Variants in KLHL1 observed in about 807,000 individuals in gnomAD.
The protein encoded by KLHL1 is kelch-like protein 1.
KLHL1 carries 47 observed loss-of-function variants against 77.7 expected under a neutral mutation model. The observed-to-expected ratio is 0.60, with a 90% CI of 0.48 to 0.77. The LOEUF (loss-of-function observed/expected upper bound fraction) is 0.77. Ranked by LOEUF, KLHL1 falls within the 30% of genes least tolerant of loss-of-function variation. The pLI, the probability that KLHL1 is intolerant of heterozygous loss-of-function variation, is 0.00. For synonymous variants in KLHL1, 360 were observed against 325.2 expected (o/e 1.11, Z -1.15); for missense variants, 925 against 910.8 (o/e 1.02, Z -0.20).
chr13:69,746,735 G>A (rs1337486775), intron 7 of KLHL1, among the ~76,000 whole-genome samples: 1 of 151,822 alleles, frequency 6.6e-6, no homozygotes, highest in African/African-American at 2.4e-5. Flanking sequence ...TTGTCAAACA[G>A]GTAGTCAGAT....
intron 5 of KLHL1, among the ~76,000 whole-genome samples, chr13:69,868,920 A>C (rs1414810820): frequency 6.6e-6 from 1 of 152,114 alleles, no homozygotes; most frequent in Non-Finnish European, 1.5e-5. Flanking sequence ...CTTTCCTGCA[A>C]TCATAATCCA....
chr13:69,940,040 C>T lies in KLHL1; in HGVS notation c.1014G>A (p.Met338Ile). ...TTATTAAAACATTAAGTTTCCTTAC[C>T]ATTGTGTAGCTGTGGGCCACCTTCA... ...ELMKVAHSYT[M>I]ENIMEVIRNQ... Residue 338 changes from methionine (M) to isoleucine (I), a missense_variant and splice_region_variant, in exon 4 of 11, where the codon ATG becomes ATA. Physicochemically the swap from Met to Ile is conservative, Grantham distance 10. Coordinates refer to ENST00000377844, the MANE Select transcript of KLHL1 (RefSeq NM_020866.3). 1 of 1,595,154 alleles carries T rather than the reference C, an allele frequency of 6.3e-7. No homozygotes were observed. The highest frequency in any genetic ancestry group is 2.3e-5 in the East Asian group (1 of 44,088).
In KLHL1 at chr13:69,719,232, G is replaced by C. The variant is rs796400560; in HGVS notation, c.2015+137C>G. 99 of 629,350 alleles carry C rather than the reference G, an allele frequency of 1.6e-4. No individual in the cohort carries two copies. The African/African-American group carries it at 1.6e-3, about 10-fold the overall frequency. 39.0% of individuals were successfully genotyped at this position (629,350 alleles called of 1,614,324 possible). A position where few individuals can be genotyped will look rare whatever the true frequency, so the allele number is the denominator to read the frequency against. ...TGTGAGAGAGAGAGAGAGAGAGAGA[G>C]AGAAAGGAGTTAAAAATGTATCTCT... On this transcript the variant is annotated intron_variant, in intron 9 of 10. Transcript: ENST00000377844.
chr13:69,907,183 T>C (rs1051045220), intron 4 of KLHL1, among the ~76,000 whole-genome samples: 4 of 152,016 alleles, frequency 2.6e-5, no homozygotes, highest in Admixed American at 2.6e-4. Context: ...AGCAAAGCTC[T>C]AAAACACAAT....
At chr13:69,727,336 G>GT (rs758082811) in intron 8 of KLHL1, among the ~76,000 whole-genome samples, 3 of 152,088 alleles carry the variant, frequency 2.0e-5, no homozygotes, top group Non-Finnish European at 4.4e-5. Context: ...AATCTAGAGA[G>GT]TTTTCAAATG....
chr13:69,955,077 T>C (rs1051613188), intron 3 of KLHL1, among the ~76,000 whole-genome samples: 2 of 151,216 alleles, frequency 1.3e-5, no homozygotes, highest in Non-Finnish European at 3.0e-5. Flanking sequence ...TTCCATCTAG[T>C]AAAAGCCTTA....
intron 4 of KLHL1, among the ~76,000 whole-genome samples, chr13:69,887,778 C>T (rs1881272992): frequency 6.6e-6 from 1 of 152,132 alleles, no homozygotes; most frequent in African/African-American, 2.4e-5. Flanking sequence ...TAATCTGAGA[C>T]TTTCTCTGCT....
chr13:70,005,205 C>A (rs1034085355), intron 1 of KLHL1, among the ~76,000 whole-genome samples: 24 of 151,872 alleles, frequency 1.6e-4, no homozygotes, highest in African/African-American at 5.8e-4. Flanking sequence ...AAATGAATAA[C>A]TAAAATAAAT....
chr13:70,086,879 T>TGTCG, intron 1 of KLHL1, among the ~76,000 whole-genome samples: 1 of 152,096 alleles, frequency 6.6e-6, no homozygotes, highest in East Asian at 1.9e-4. Flanking sequence ...TGTCAGCAGG[T>TGTCG]GTCGAATAGG....
At chr13:69,915,496 G>A (rs1334914212) in intron 4 of KLHL1, among the ~76,000 whole-genome samples, 7 of 152,140 alleles carry the variant, frequency 4.6e-5, no homozygotes, top group Non-Finnish European at 5.9e-5. Context: ...ATGGGGAAAC[G>A]ATTCCCTATT....
Position 70,035,293 on chromosome 13 carries a change from A to T in KLHL1, c.498-59491T>A, listed in dbSNP as rs117057351. Among the ~76,000 whole-genome samples, 88 of 152,258 alleles carry T rather than the reference A, an allele frequency of 5.8e-4. 3 individuals carry two copies. The East Asian group carries it at 0.012, about 21-fold the overall frequency. On this transcript the variant is annotated intron_variant, in intron 1 of 10. Coordinates refer to ENST00000377844, the MANE Select transcript of KLHL1 (RefSeq NM_020866.3). ...TTGTCATTTACAACAACATGGATGG[A>T]ACTGGAGATCATGATATTAAGTGAA...
chr13:69,761,132 T>A (rs938336846), intron 7 of KLHL1, among the ~76,000 whole-genome samples: 4 of 152,168 alleles, frequency 2.6e-5, no homozygotes, highest in Non-Finnish European at 5.9e-5. Flanking sequence ...TTTGAAAATG[T>A]TTAATTGAAC....
chr13:69,841,933 T>G (rs960683226), intron 5 of KLHL1, among the ~76,000 whole-genome samples: 3 of 151,788 alleles, frequency 2.0e-5, no homozygotes, highest in Admixed American at 1.3e-4. Context: ...GAACTTACAC[T>G]TGGGAAAGGA....
In KLHL1 at chr13:70,099,793, T is replaced by G. The variant is rs1377233138; in HGVS notation, c.497+7410A>C. The stretch of plus-strand genomic sequence containing the variant: ...TTAAACATTAAACTAATGAACAGCT[T>G]TCGTTAAACTAAGGTTTAATTAAAA... On this transcript the variant is annotated intron_variant, in intron 1 of 10. Transcript: ENST00000377844. Among the ~76,000 whole-genome samples the G allele has an allele frequency of 2.6e-5, 4 of 152,020 alleles. No homozygotes were observed. The South Asian group carries it at 8.3e-4, about 32-fold the overall frequency.
intron 6 of KLHL1, among the ~76,000 whole-genome samples, chr13:69,799,860 G>A (rs1489260192): frequency 2.0e-5 from 3 of 152,158 alleles, no homozygotes; most frequent in African/African-American, 4.8e-5. Context: ...AGCAGGAGGT[G>A]AGCGGCACCC....
At chr13:69,770,732 T>A (rs951499361) in intron 7 of KLHL1, among the ~76,000 whole-genome samples, 1 of 152,110 alleles carries the variant, frequency 6.6e-6, no homozygotes, top group East Asian at 1.9e-4. Context: ...ATAAATAAGA[T>A]CCTAATCATT....
intron 6 of KLHL1, 148 bp from the exon 7 acceptor site, chr13:69,797,110 T>C (rs938383869): frequency 7.9e-6 from 5 of 633,732 alleles, no homozygotes; most frequent in Non-Finnish European, 1.4e-5. Context: ...AAAGGAGTAG[T>C]AATTCAACTA....
At chr13:70,033,881 G>T (rs997726891) in intron 1 of KLHL1, among the ~76,000 whole-genome samples, 2 of 151,966 alleles carry the variant, frequency 1.3e-5, no homozygotes, top group Non-Finnish European at 2.9e-5. Flanking sequence ...CCACCTCTGG[G>T]ATTACAGGCG....
At chr13:69,849,840 AATTT>A (rs1239527714) in intron 5 of KLHL1, among the ~76,000 whole-genome samples, 2 of 151,408 alleles carry the variant, frequency 1.3e-5, no homozygotes, top group African/African-American at 4.8e-5. Flanking sequence ...TGAATCTATT[AATTT>A]ATTTTAAATA....
Sources: gnomAD v4.1 joint callset for allele counts (sites outside exome capture counted in the v4.1 genomes callset) on GRCh38, gnomAD v4.1.1 for gene constraint, MANE v1.5 for transcripts, NCBI Gene and HGNC (gene_info 2026-07-23, HGNC 2026-07-21) for gene names.